The following NLGN4X variants were observed in gnomAD, a reference collection of about 807,000 sequenced individuals.
The protein encoded by NLGN4X is neuroligin 4 X-linked.
A neutral mutation model predicts 40.3 loss-of-function variants in NLGN4X; 3 were observed. The ratio of observed to expected loss-of-function variants is 0.07; its 90% CI spans 0.03 to 0.19. The LOEUF is 0.19. Ranked by LOEUF, NLGN4X falls within the 10% of genes least tolerant of loss-of-function variation. The probability of loss-of-function intolerance (pLI) is 1.00; values close to 1 mark genes in which losing one functional copy is unlikely to be tolerated. For synonymous variants in NLGN4X, 270 were observed against 306.8 expected, an observed-to-expected ratio of 0.88 and a Z score of 1.25; for missense variants, 382 against 708.3, an observed-to-expected ratio of 0.54 and a Z score of 5.23.
At chrX:6,161,391 T>G (rs866782799) in intron 1 of NLGN4X, among the ~76,000 whole-genome samples, 1 of 93,844 alleles carries the variant, frequency 1.1e-5, no homozygotes, top group Non-Finnish European at 2.0e-5. Context: ...ATATAGGATA[T>G]AAAATATATT....
chrX:5,914,626 A>G (rs2032688082), intron 3 of NLGN4X, among the ~76,000 whole-genome samples: 1 of 108,439 alleles, frequency 9.2e-6, no homozygotes, highest in African/African-American at 3.3e-5. Context: ...ATGTATATAT[A>G]TATATATATG....
At chrX:6,071,617 C>G (rs750388117) in intron 2 of NLGN4X, among the ~76,000 whole-genome samples, 158 of 111,729 alleles carry the variant, frequency 1.4e-3, no homozygotes, top group Middle Eastern at 9.2e-3. Context: ...GCTGGCTCTA[C>G]ACCTTCTTAT....
intron 1 of NLGN4X, among the ~76,000 whole-genome samples, chrX:6,215,988 T>C (rs1925054926): frequency 9.1e-6 from 1 of 109,889 alleles, no homozygotes; most frequent in African/African-American, 3.3e-5. Flanking sequence ...GCCATTCTCC[T>C]GCCTCAGCCT....
intron 2 of NLGN4X, among the ~76,000 whole-genome samples, chrX:6,085,056 A>G (rs1238932404): frequency 9.2e-6 from 1 of 109,096 alleles, no homozygotes; most frequent in East Asian, 2.9e-4. Flanking sequence ...CAAGAAATTG[A>G]TATCTGGATG....
intron 2 of NLGN4X, among the ~76,000 whole-genome samples, chrX:6,118,663 A>T (rs771233965): frequency 3.0e-4 from 34 of 111,779 alleles, no homozygotes; most frequent in African/African-American, 1.1e-3. Flanking sequence ...ATACCCACAG[A>T]TCCTTAGAGC....
chrX:6,176,165 T>A (rs2040730309), intron 1 of NLGN4X, among the ~76,000 whole-genome samples: 1 of 111,672 alleles, frequency 9.0e-6, no homozygotes, highest in Non-Finnish European at 1.9e-5. Context: ...TCTCTCTCCC[T>A]CTGTGCAATC....
chrX:6,166,339 T>C (rs1303152064), intron 1 of NLGN4X, among the ~76,000 whole-genome samples: 1 of 111,608 alleles, frequency 9.0e-6, no homozygotes, highest in Non-Finnish European at 1.9e-5. Flanking sequence ...CAAGCAATCC[T>C]CTCACCTCAG....
chrX:6,135,729 G>C (rs1288766804), intron 2 of NLGN4X, among the ~76,000 whole-genome samples: 1 of 111,533 alleles, frequency 9.0e-6, no homozygotes, highest in African/African-American at 3.3e-5. Context: ...TCTGAGAAAA[G>C]GATGACATAC....
In NLGN4X at chrX:6,158,297, A is replaced by G. The variant is rs1187499573; in HGVS notation, c.-305-6526T>C. Among the ~76,000 whole-genome samples, 3 of 111,287 alleles carry G rather than the reference A, an allele frequency of 2.7e-5. No individual in the cohort carries two copies. The Admixed American group carries it at 2.9e-4, about 11-fold the overall frequency. On this transcript the variant is annotated intron_variant, in intron 1 of 5. Coordinates refer to ENST00000381095, the MANE Select transcript of NLGN4X (RefSeq NM_181332.3). Reference sequence around the variant, plus strand: ...TAGACATCTTATGGTGCTCCTAAAAATCTCATTCTCCAATCCCCAAACTGC... The same window carrying G: ...TAGACATCTTATGGTGCTCCTAAAAGTCTCATTCTCCAATCCCCAAACTGC...
chrX:5,935,825 C>G (rs1300200589), intron 3 of NLGN4X, among the ~76,000 whole-genome samples: 6 of 111,697 alleles, frequency 5.4e-5, no homozygotes, highest in Non-Finnish European at 9.4e-5. Context: ...AGGGAAATGC[C>G]AGGTCAAGAA....
chrX:6,175,166 T>G (rs2040698495), intron 1 of NLGN4X, among the ~76,000 whole-genome samples: 1 of 111,525 alleles, frequency 9.0e-6, no homozygotes, highest in Admixed American at 9.6e-5. Flanking sequence ...ATGTTCTCCA[T>G]CTATCTTTGA....
intron 2 of NLGN4X, among the ~76,000 whole-genome samples, chrX:6,084,817 G>GAA (rs760430184): frequency 5.0e-4 from 55 of 110,606 alleles, no homozygotes; most frequent in Middle Eastern, 9.4e-3. Flanking sequence ...TGTTCAAGAA[G>GAA]GTCTTGCCAG....
At chrX:5,917,853 TTG>T (rs2032872253) in intron 3 of NLGN4X, among the ~76,000 whole-genome samples, 1 of 112,023 alleles carries the variant, frequency 8.9e-6, no homozygotes, top group African/African-American at 3.2e-5. Context: ...TAAAGCGAGA[TTG>T]TGTGTTCTCT....
At chrX:6,185,724 T>C (rs1230011270) in intron 1 of NLGN4X, among the ~76,000 whole-genome samples, 1 of 111,920 alleles carries the variant, frequency 8.9e-6, no homozygotes, top group African/African-American at 3.3e-5. Context: ...AACAAATGGA[T>C]TGGAGTGTGA....
intron 2 of NLGN4X, among the ~76,000 whole-genome samples, chrX:6,144,926 G>A (rs1257821951): frequency 9.0e-6 from 1 of 110,907 alleles, no homozygotes; most frequent in Non-Finnish European, 1.9e-5. Context: ...GGGGGTAGGG[G>A]TGGAGGGCGG....
chrX:6,118,616 G>A (rs925496705), intron 2 of NLGN4X, among the ~76,000 whole-genome samples: 5 of 111,528 alleles, frequency 4.5e-5, no homozygotes, highest in Admixed American at 1.9e-4. Flanking sequence ...TCCCTTGAGC[G>A]TATTATTGCA....
At chrX:6,107,488 C>T (rs753981170) in intron 2 of NLGN4X, among the ~76,000 whole-genome samples, 1 of 111,587 alleles carries the variant, frequency 9.0e-6, no homozygotes, top group Non-Finnish European at 1.9e-5. Flanking sequence ...TTTCAGACAA[C>T]CTCACTGGGT....
In NLGN4X at chrX:6,171,032, C is replaced by T. The variant is rs188845542; in HGVS notation, c.-305-19261G>A. ...AGAGGTGGGATTTCGCCACATTGCC[C>T]AGGCTGGTCTCGAACTGTTGGACTC... On this transcript the variant is annotated intron_variant, in intron 1 of 5. Coordinates refer to ENST00000381095, the MANE Select transcript of NLGN4X (RefSeq NM_181332.3). 3.4e-3 allele frequency among the ~76,000 whole-genome samples: 384 copies of T among 111,965 alleles called. 4 individuals carry two copies. The highest frequency in any genetic ancestry group is 0.012 in the African/African-American group (367 of 30,833).
At chrX:6,089,414 A>G (rs1426183597) in intron 2 of NLGN4X, among the ~76,000 whole-genome samples, 1 of 112,706 alleles carries the variant, frequency 8.9e-6, no homozygotes, top group Admixed American at 9.4e-5. Context: ...AGCTATCATC[A>G]TAAACTAATT....
Sources: gnomAD v4.1 joint callset for allele counts (sites outside exome capture counted in the v4.1 genomes callset) on GRCh38, gnomAD v4.1.1 for gene constraint, MANE v1.5 for transcripts, NCBI Gene and HGNC (gene_info 2026-07-23, HGNC 2026-07-21) for gene names.